The following NLRP1 variants were observed in gnomAD, a reference collection of about 807,000 sequenced individuals.
NLRP1 encodes NACHT, LRR and PYD domains-containing protein 1.
NLRP1 carries 94 observed loss-of-function variants against 136.7 expected under a neutral mutation model. The ratio of observed to expected loss-of-function variants is 0.69; its 90% CI spans 0.58 to 0.82. NLRP1 has a LOEUF of 0.82. Ranked by LOEUF, NLRP1 falls within the 40% of genes least tolerant of loss-of-function variation. The pLI, the probability that NLRP1 is intolerant of heterozygous loss-of-function variation, is 0.00. For synonymous variants in NLRP1, 690 were observed against 725.1 expected, an observed-to-expected ratio of 0.95 and a Z score of 0.78; for missense variants, 1,575 against 1,802.7, an observed-to-expected ratio of 0.87 and a Z score of 2.29.
intron 14 of NLRP1, 45 bp downstream of exon 14, chr17:5,520,836 T>C (rs746064273): frequency 5.4e-6 from 8 of 1,489,734 alleles, no homozygotes; most frequent in Admixed American, 2.1e-5. Context: ...CATTCCCAGG[T>C]AGGACTTCTG....
At position 5,559,681 on chromosome 17, in the gene NLRP1, C is replaced by A; in HGVS notation, c.1015G>T (p.Gly339Trp). ...ACCTGCCTGGCCAGTGTTGACTTCC[C>A]AATTCCAGCAGCCCCCTGCAGTATG... ...IVILQGAAGI[G>W]KSTLARQVKE... The change falls in exon 4 of 17, where the codon GGG (glycine) becomes TGG (tryptophan). Residue 339 changes from glycine to tryptophan, a missense_variant. Physicochemically the swap from Gly to Trp is radical, Grantham distance 184. Transcript: ENST00000572272. 6.2e-7 allele frequency: 1 copy of A among 1,614,234 alleles called. No individual in the cohort carries two copies. The highest frequency in any genetic ancestry group is 8.5e-7 in the Non-Finnish European group (1 of 1,180,032).
At chr17:5,576,804 CA>C (rs886995888) in intron 3 of NLRP1, among the ~76,000 whole-genome samples, 2 of 150,376 alleles carry the variant, frequency 1.3e-5, no homozygotes, top group African/African-American at 2.4e-5. Context: ...AGAGACACAA[CA>C]AAAAAAAAGG....
chr17:5,528,515 T>A (rs1235275084), intron 12 of NLRP1, among the ~76,000 whole-genome samples: 1 of 152,212 alleles, frequency 6.6e-6, no homozygotes, highest in African/African-American at 2.4e-5. Context: ...CCCTGCCCCA[T>A]GCTCTCCTCC....
At chr17:5,572,994 G>A (rs551903890) in intron 3 of NLRP1, among the ~76,000 whole-genome samples, 12 of 152,284 alleles carry the variant, frequency 7.9e-5, no homozygotes, top group Non-Finnish European at 1.5e-4. Context: ...GCAGCCCACC[G>A]AGCATAAGCC....
At position 5,514,881 on chromosome 17, in the gene NLRP1, A is replaced by G. The variant is rs1907880686; in HGVS notation, c.4295T>C (p.Leu1432Ser). The G allele has an allele frequency of 6.2e-7, 1 of 1,614,120 alleles. No homozygotes were observed. The highest frequency in any genetic ancestry group is 1.3e-5 in the African/African-American group (1 of 75,034). The change falls in exon 17 of 17, where the codon TTG (leucine) becomes TCG (serine). Residue 1432 changes from leucine (L) to serine (S), a missense_variant. Physicochemically the swap from Leu to Ser is moderately radical, Grantham distance 145. Transcript: ENST00000572272. ...GCACTTCCGGTCCCAGGACTGGCTC[A>G]AGCTGAACAGCTTCCGCATCTGGCT... ...RPSQMRKLFSLSQSWDRKCKD... is the reference protein window; with the variant it reads ...RPSQMRKLFSSSQSWDRKCKD...
intron 3 of NLRP1, among the ~76,000 whole-genome samples, chr17:5,578,766 T>C (rs559453573): frequency 0.012 from 1,891 of 152,296 alleles, 50 homozygotes; most frequent in African/African-American, 0.043. Flanking sequence ...ACTGGGTATA[T>C]ACCCAAAGGA....
At position 5,537,151 on chromosome 17, in the gene NLRP1, G is replaced by A. The variant is rs1211442891; in HGVS notation, c.2871-211C>T. On this transcript the variant is annotated intron_variant, in intron 7 of 16. Transcript: ENST00000572272. This position sits in a 1 kb window ranked among gnomAD's most constrained non-coding sequence, Gnocchi z 4.5. The stretch of plus-strand genomic sequence containing the variant: ...CCAGGGCAAGGGAAGGGAGGGAATC[G>A]GGGAGACGTGGGCTGTGAGGCAGTC... 6.6e-6 allele frequency among the ~76,000 whole-genome samples: 1 copy of A among 152,206 alleles called. No homozygotes were observed. Among genetic ancestry groups the A allele is most frequent in the Non-Finnish European group, 1.5e-5 (1 of 68,024 alleles).
chr17:5,550,946 A>G lies in NLRP1; in HGVS notation c.2528+2440T>C, dbSNP rs57514379. On this transcript the variant is annotated intron_variant, in intron 5 of 16. Transcript: ENST00000572272. ...GAGTTCCCATATACTCCCTGTCCCC[A>G]CATCCCTCATACAATCTTTCCCACT... is the stretch of plus-strand genomic sequence containing the variant. 9.7e-3 allele frequency among the ~76,000 whole-genome samples: 1,473 copies of G among 152,252 alleles called. 27 individuals carry two copies. The highest frequency in any genetic ancestry group is 0.032 in the African/African-American group (1,346 of 41,530).
intron 10 of NLRP1, 52 bp from the exon 11 acceptor site, chr17:5,533,036 T>C: frequency 3.2e-6 from 5 of 1,555,292 alleles, no homozygotes; most frequent in Non-Finnish European, 4.3e-6. Context: ...TGGCCTCCCC[T>C]AGCCCCTATG....
intron 12 of NLRP1, among the ~76,000 whole-genome samples, chr17:5,522,890 T>G (rs1909072441): frequency 6.6e-6 from 1 of 152,116 alleles, no homozygotes; most frequent in African/African-American, 2.4e-5. Context: ...ACCAAGGTGT[T>G]TGGCCACTCA....
At chr17:5,557,265 A>G (rs919794890) in intron 4 of NLRP1, among the ~76,000 whole-genome samples, 1 of 151,102 alleles carries the variant, frequency 6.6e-6, no homozygotes, top group African/African-American at 2.4e-5. Context: ...TCAGCCTCCC[A>G]AAGTACTGGA....
chr17:5,542,126 T>C (rs934083064), intron 5 of NLRP1, 99 bp from the exon 6 acceptor site: 12 of 1,180,112 alleles, frequency 1.0e-5, no homozygotes, highest in Non-Finnish European at 1.4e-5. Context: ...ACCAGGCCTG[T>C]GGGCCAGGCA....
At chr17:5,534,261 T>G (rs1369442710) in intron 8 of NLRP1, among the ~76,000 whole-genome samples, 1 of 152,066 alleles carries the variant, frequency 6.6e-6, no homozygotes, top group Admixed American at 6.6e-5. Context: ...CCCAGCTACT[T>G]GGAAGGCTGA....
chr17:5,501,465 T>C (rs1374425512), exon 16 of NLRP1: 5 of 186,730 alleles, frequency 2.7e-5, no homozygotes, highest in Non-Finnish European at 4.6e-5. Flanking sequence ...AAACTAGAAA[T>C]TGAGAAAACA....
At chr17:5,560,762 T>C (rs1020350854) in intron 3 of NLRP1, among the ~76,000 whole-genome samples, 1 of 152,164 alleles carries the variant, frequency 6.6e-6, no homozygotes. Context: ...CTTTCCTGGG[T>C]TTCCCCGCCT....
At chr17:5,544,818 T>C (rs1015358416) in intron 5 of NLRP1, among the ~76,000 whole-genome samples, 29 of 152,098 alleles carry the variant, frequency 1.9e-4, no homozygotes, top group African/African-American at 5.3e-4. Flanking sequence ...TTAGGGAGGA[T>C]AGTCTAGGTA....
chr17:5,512,543 G>A (rs763819244), downstream of NLRP1: 2 of 572,100 alleles, frequency 3.5e-6, no homozygotes, highest in Non-Finnish European at 6.5e-6. Context: ...TGGAGGAAGG[G>A]TTGTGTGGAG....
chr17:5,540,035 T>C (rs7213221), intron 6 of NLRP1, among the ~76,000 whole-genome samples: 7,196 of 152,242 alleles, frequency 0.047, 192 homozygotes, highest in Middle Eastern at 0.088. Flanking sequence ...TAGCAACATA[T>C]CGTTTTCCCA....
At position 5,584,040 on chromosome 17, in the gene NLRP1, T is replaced by C; in HGVS notation, c.-83A>G. On this transcript the variant is annotated 5_prime_UTR_variant, in exon 1 of 17. Transcript: ENST00000572272. Reference sequence around the variant, plus strand: ...GGCAGGCAGAGAACAGTGCTGTCCTTTGCCTTGGCTCTTACCGTCTCTTAT... The same window carrying C: ...GGCAGGCAGAGAACAGTGCTGTCCTCTGCCTTGGCTCTTACCGTCTCTTAT... 2 of 1,351,134 alleles carry C rather than the reference T, an allele frequency of 1.5e-6. No homozygotes were observed. The highest frequency in any genetic ancestry group is 2.4e-5 in the East Asian group (1 of 41,452). The allele number at this position is 1,351,134 out of a possible 1,614,324, so 83.7% of individuals were successfully genotyped here.
Sources: gnomAD v4.1 joint callset for allele counts (sites outside exome capture counted in the v4.1 genomes callset) on GRCh38, gnomAD v4.1.1 for gene constraint, Gnocchi (gnomAD v3.1) non-coding constraint, MANE v1.5 for transcripts, NCBI Gene and HGNC (gene_info 2026-07-23, HGNC 2026-07-21) for gene names.